Variants in TBL1Y observed in about 807,000 individuals in gnomAD.
TBL1Y encodes F-box-like/WD repeat-containing protein TBL1Y.
Under a neutral mutation model 12.0 loss-of-function variants are expected in TBL1Y, and 15 were observed. That is an observed-to-expected ratio of 1.25 (90% CI 0.83 to 1.92). The LOEUF (loss-of-function observed/expected upper bound fraction) is 1.92. Ranked by LOEUF, TBL1Y falls within the 40% of genes most tolerant of loss-of-function variation. The pLI is 0.00. For missense variants in TBL1Y, 148 were observed against 116.7 expected, an observed-to-expected ratio of 1.27 and a Z score of -1.24; for synonymous variants, 53 against 42.6, an observed-to-expected ratio of 1.24 and a Z score of -0.95.
At chrY:7,072,630 G>C (rs756420944) in intron 12 of TBL1Y, among the ~76,000 whole-genome samples, 283 of 34,280 alleles carry the variant, frequency 8.3e-3, no homozygotes, top group African/African-American at 0.031. Flanking sequence ...GGGCACAAGG[G>C]CATACTCCCC....
chrY:6,973,961 A>G (rs569719154), intron 2 of TBL1Y, among the ~76,000 whole-genome samples: 8 of 33,047 alleles, frequency 2.4e-4, no homozygotes, highest in African/African-American at 9.5e-4. Flanking sequence ...CCTATTAATT[A>G]TTAGGTGTTT....
chrY:6,999,365 G>A (rs752336800), intron 4 of TBL1Y, among the ~76,000 whole-genome samples: 1 of 33,255 alleles, frequency 3.0e-5, no homozygotes, highest in Admixed American at 2.8e-4. Context: ...TTGGCACCAC[G>A]TCACCTAGGC....
chrY:7,047,668 G>A (rs996817268), intron 7 of TBL1Y, among the ~76,000 whole-genome samples: 9 of 32,279 alleles, frequency 2.8e-4, no homozygotes, highest in South Asian at 7.1e-4. Flanking sequence ...TTCGAATTGC[G>A]TATTTAAAAA....
intron 8 of TBL1Y, among the ~76,000 whole-genome samples, chrY:7,064,706 A>G (rs2012961049): frequency 3.0e-5 from 1 of 33,571 alleles, no homozygotes. Context: ...CTATAAACCC[A>G]TAGAGAAGCC....
At chrY:7,072,724 T>G in intron 12 of TBL1Y, among the ~76,000 whole-genome samples, 1 of 34,218 alleles carries the variant, frequency 2.9e-5, no homozygotes. Context: ...TAACTCCAGG[T>G]TCCTCTAAAA....
chrY:6,917,874 T>C, intron 2 of TBL1Y, among the ~76,000 whole-genome samples: 1 of 33,204 alleles, frequency 3.0e-5, no homozygotes, highest in South Asian at 7.0e-4. Context: ...ATGAACAAGT[T>C]GCACAAGGTT....
At chrY:6,924,430 A>G (rs777328220) in intron 2 of TBL1Y, among the ~76,000 whole-genome samples, 123 of 31,713 alleles carry the variant, frequency 3.9e-3, no homozygotes, top group African/African-American at 0.015. Context: ...TACTAAAAAT[A>G]CAAAAAAATT....
chrY:7,023,101 T>C (rs2012591192), intron 5 of TBL1Y, among the ~76,000 whole-genome samples: 1 of 30,118 alleles, frequency 3.3e-5, no homozygotes, highest in Non-Finnish European at 7.8e-5. Context: ...AGTGTTTTTG[T>C]GGCCTTTCAT....
At chrY:6,961,978 C>T in intron 2 of TBL1Y, among the ~76,000 whole-genome samples, 1 of 34,027 alleles carries the variant, frequency 2.9e-5, no homozygotes, top group African/African-American at 1.1e-4. Flanking sequence ...TGTCTTTTAA[C>T]ATGGGAAGTA....
chrY:7,051,225 G>T (rs867018007), intron 7 of TBL1Y, among the ~76,000 whole-genome samples: 35 of 33,848 alleles, frequency 1.0e-3, no homozygotes, highest in Middle Eastern at 0.014. Flanking sequence ...TTTCCAGCCA[G>T]GTGTGGTGGC....
At chrY:6,959,146 A>G in intron 2 of TBL1Y, among the ~76,000 whole-genome samples, 1 of 33,394 alleles carries the variant, frequency 3.0e-5, no homozygotes, top group Non-Finnish European at 7.4e-5. Flanking sequence ...GAGAATGGCA[A>G]TGACTTTTAC....
In TBL1Y at chrY:6,921,947, C is replaced by T. The variant is rs746978360; in HGVS notation, c.-266+9775C>T. On this transcript the variant is annotated intron_variant, in intron 2 of 18. Transcript: ENST00000383032. Reference sequence around the variant, plus strand: ...GTTTCATTGACATCAAGGATGAAGCCGTGCACCCTCACGGTGACTGTTACA... The same window carrying T: ...GTTTCATTGACATCAAGGATGAAGCTGTGCACCCTCACGGTGACTGTTACA... 2.1e-4 allele frequency among the ~76,000 whole-genome samples: 7 copies of T among 33,548 alleles called. No homozygotes were observed. In the South Asian group the frequency reaches 4.1e-3, roughly 19 times the overall value. The allele number at this position is 33,548 out of a possible 37,273, so 90.0% of individuals were successfully genotyped here. A position where few individuals can be genotyped will look rare whatever the true frequency, so the allele number is the denominator to read the frequency against.
intron 2 of TBL1Y, chrY:6,920,886 T>C: frequency 3.0e-5 from 1 of 33,498 alleles, no homozygotes; most frequent in Non-Finnish European, 7.4e-5. Context: ...CATTTTAGTT[T>C]AGGAAGCCAC....
At chrY:6,945,087 CTTGT>C (rs2011976045) in intron 2 of TBL1Y, among the ~76,000 whole-genome samples, 1 of 26,926 alleles carries the variant, frequency 3.7e-5, no homozygotes, top group Non-Finnish European at 8.7e-5. Context: ...TTTCTCTGCT[CTTGT>C]TTTTTTTCCT....
chrY:7,075,436 G>A, intron 13 of TBL1Y, among the ~76,000 whole-genome samples: 1 of 33,474 alleles, frequency 3.0e-5, no homozygotes, highest in South Asian at 6.8e-4. Flanking sequence ...TACACCTCTA[G>A]GGCTGCTGGT....
intron 16 of TBL1Y, 83 bp downstream of exon 16, chrY:7,086,500 G>A (rs764339225): frequency 5.4e-4 from 153 of 285,774 alleles, no homozygotes; most frequent in South Asian, 4.4e-3. Flanking sequence ...CTGTGCACCT[G>A]TGTTGAAGCC....
At chrY:7,033,007 A>G (rs2012664630) in intron 6 of TBL1Y, among the ~76,000 whole-genome samples, 1 of 33,854 alleles carries the variant, frequency 3.0e-5, no homozygotes, top group African/African-American at 1.2e-4. Context: ...AGAAAGAGAG[A>G]CATAAAAAAC....
At chrY:6,974,804 G>C in intron 2 of TBL1Y, among the ~76,000 whole-genome samples, 1 of 33,386 alleles carries the variant, frequency 3.0e-5, no homozygotes, top group African/African-American at 1.2e-4. Context: ...AGTACAGCAG[G>C]ATCTAGCCGT....
intron 7 of TBL1Y, among the ~76,000 whole-genome samples, chrY:7,062,898 G>A: frequency 5.9e-5 from 2 of 33,798 alleles, no homozygotes; most frequent in Non-Finnish European, 1.5e-4. Flanking sequence ...CTTTCTCATC[G>A]TGGTCCCGAC....
Sources: gnomAD v4.1 joint callset for allele counts (sites outside exome capture counted in the v4.1 genomes callset) on GRCh38, gnomAD v4.1.1 for gene constraint, MANE v1.5 for transcripts, NCBI Gene and HGNC (gene_info 2026-07-23, HGNC 2026-07-21) for gene names.